SNAP47: variants seen among roughly 807,000 people sequenced by gnomAD.
SNAP47 encodes the protein synaptosome associated protein 47.
SNAP47 carries 20 observed loss-of-function variants against 31.4 expected under a neutral mutation model. That is an observed-to-expected ratio of 0.64 (90% CI 0.45 to 0.93). The LOEUF (loss-of-function observed/expected upper bound fraction) is 0.93, where lower values mean the gene tolerates loss of function less well. SNAP47 is among the 40% of genes least tolerant of loss of function. The pLI is 0.00. For synonymous variants in SNAP47, 194 were observed against 213.4 expected, an observed-to-expected ratio of 0.91 and a Z score of 0.79; for missense variants, 492 against 528.5, an observed-to-expected ratio of 0.93 and a Z score of 0.68.
intron 4 of SNAP47, among the ~76,000 whole-genome samples, chr1:227,769,949 G>A (rs1030984414): frequency 2.6e-5 from 4 of 152,180 alleles, no homozygotes. Flanking sequence ...TCTCCAGGGA[G>A]GAACCAGGTG....
upstream of SNAP47, chr1:227,730,436 T>C (rs1424800888): frequency 2.6e-5 from 4 of 152,048 alleles, no homozygotes; most frequent in African/African-American, 9.7e-5. Flanking sequence ...TTTTTTTTTT[T>C]TTGCCAATCT....
intron 4 of SNAP47, among the ~76,000 whole-genome samples, chr1:227,773,528 C>A (rs7543525): frequency 0.095 from 14,399 of 152,232 alleles, 771 homozygotes; most frequent in Middle Eastern, 0.21. Flanking sequence ...TTGATAAAGT[C>A]CACAGTAGTG....
In SNAP47 at chr1:227,771,839, G is replaced by A. The variant is rs116155735; in HGVS notation, c.1113+4756G>A. 9.1e-3 allele frequency among the ~76,000 whole-genome samples: 1,382 copies of A among 152,262 alleles called. 26 individuals are homozygous for A. The highest frequency in any genetic ancestry group is 0.032 in the African/African-American group (1,314 of 41,536). ...GCCAGGCACAGCCCTTGGGGTCCCA[G>A]ATGCTCACACCAACCAGTACCCAGA... On this transcript the variant is annotated intron_variant, in intron 4 of 4. Coordinates refer to ENST00000617596, the MANE Select transcript of SNAP47 (RefSeq NM_053052.4).
chr1:227,753,085 T>C lies in SNAP47; in HGVS notation c.497+4852T>C, dbSNP rs904558971. On this transcript the variant is annotated intron_variant, in intron 2 of 4. Coordinates refer to ENST00000617596, the MANE Select transcript of SNAP47 (RefSeq NM_053052.4). ...GACTCAAGCAAAGCAATAATTGTGT[T>C]CAAGTAAACAAGCTTTTCTCTAACT... 1.2e-4 allele frequency among the ~76,000 whole-genome samples: 19 copies of C among 152,208 alleles called. 1 individual carries two copies. Among genetic ancestry groups the C allele is most frequent in the Non-Finnish European group, 5.9e-5 (4 of 68,034 alleles).
intron 4 of SNAP47, among the ~76,000 whole-genome samples, chr1:227,769,073 C>T (rs1001405698): frequency 6.6e-6 from 1 of 152,214 alleles, no homozygotes; most frequent in African/African-American, 2.4e-5. Context: ...CCTCAAAGCC[C>T]GGGAGCGTTG....
intron 4 of SNAP47, among the ~76,000 whole-genome samples, chr1:227,769,045 C>T (rs545649400): frequency 6.6e-5 from 10 of 152,348 alleles, no homozygotes; most frequent in Non-Finnish European, 8.8e-5. Flanking sequence ...TCTCCTGTCA[C>T]GTGTGGCGTG....
intron 3 of SNAP47, among the ~76,000 whole-genome samples, chr1:227,764,064 G>A (rs1455944035): frequency 6.6e-6 from 1 of 152,210 alleles, no homozygotes; most frequent in Non-Finnish European, 1.5e-5. Flanking sequence ...GTGCATAGGT[G>A]TCTGGAACAC....
chr1:227,750,246 G>A (rs1393953799), intron 2 of SNAP47, among the ~76,000 whole-genome samples: 5 of 152,270 alleles, frequency 3.3e-5, no homozygotes, highest in African/African-American at 7.2e-5. Context: ...GTCAGAGTCT[G>A]CAGGGGGCCA....
At chr1:227,756,871 G>A (rs1014011299) in intron 2 of SNAP47, among the ~76,000 whole-genome samples, 1 of 152,242 alleles carries the variant, frequency 6.6e-6, no homozygotes, top group Non-Finnish European at 1.5e-5. Context: ...GCTCAGGGAC[G>A]TTTCTCCCTT....
At chr1:227,770,130 C>T (rs1433274868) in intron 4 of SNAP47, among the ~76,000 whole-genome samples, 16 of 152,226 alleles carry the variant, frequency 1.1e-4, no homozygotes, top group Non-Finnish European at 2.4e-4. Flanking sequence ...TTGGGTGACG[C>T]CTCAGCCTCC....
At chr1:227,759,554 G>A in intron 3 of SNAP47, 69 bp downstream of exon 3, 1 of 1,559,122 alleles carries the variant, frequency 6.4e-7, no homozygotes, top group African/African-American at 1.4e-5. Context: ...CAGCACGCCT[G>A]TGGGAAATGC....
Position 227,767,083 on chromosome 1 carries a change from G to C in SNAP47, c.1113G>C (p.Gln371His). The C allele has an allele frequency of 6.2e-7, 1 of 1,614,018 alleles. No homozygotes were observed. Among genetic ancestry groups the C allele is most frequent in the Non-Finnish European group, 8.5e-7 (1 of 1,179,990 alleles). The change falls in exon 4 of 5, where the codon CAG (glutamine) becomes CAC (histidine). Residue 371 changes from glutamine (Q) to histidine (H), a missense_variant and splice_region_variant. Transcript: ENST00000617596. ...LSEADTQELT[Q>H]ILRRMKGLAL... ...AGGCAGATACCCAGGAACTAACCCA[G>C]GTAAGATGTCCCCAGTGCCATGCCA...
intron 3 of SNAP47, among the ~76,000 whole-genome samples, chr1:227,764,677 G>A (rs1449750762): frequency 1.3e-5 from 2 of 152,176 alleles, no homozygotes; most frequent in Admixed American, 6.5e-5. Flanking sequence ...AGGCAGAGGC[G>A]GGCGAATCAC....
intron 1 of SNAP47, among the ~76,000 whole-genome samples, chr1:227,737,108 CTG>C (rs577391712): frequency 8.5e-4 from 129 of 152,284 alleles, no homozygotes; most frequent in African/African-American, 3.0e-3. Flanking sequence ...TCAGGGTACT[CTG>C]TGATTTTCGG....
Position 227,764,047 on chromosome 1 carries a change from C to T in SNAP47, c.989-2912C>T, listed in dbSNP as rs533431108. On this transcript the variant is annotated intron_variant, in intron 3 of 4. Coordinates refer to ENST00000617596, the MANE Select transcript of SNAP47 (RefSeq NM_053052.4). ...CTGGCTTCCTGCACCCCCAGGCCAG[C>T]AAGGCTGTGCATAGGTGTCTGGAAC... 3.9e-5 allele frequency among the ~76,000 whole-genome samples: 6 copies of T among 152,338 alleles called. 2 individuals carry two copies. The highest frequency in any genetic ancestry group is 1.4e-4 in the African/African-American group (6 of 41,578).
chr1:227,777,438 G>A (rs1313942084), intron 4 of SNAP47, among the ~76,000 whole-genome samples: 3 of 152,190 alleles, frequency 2.0e-5, no homozygotes, highest in Non-Finnish European at 2.9e-5. Context: ...GCCCCAGGTG[G>A]ACGGGCTTCA....
At chr1:227,736,965 G>C (rs1264606986) in intron 1 of SNAP47, among the ~76,000 whole-genome samples, 2 of 152,200 alleles carry the variant, frequency 1.3e-5, no homozygotes, top group Non-Finnish European at 2.9e-5. Flanking sequence ...GAAGGTTTCA[G>C]GAATTTGGCT....
At chr1:227,751,769 T>G (rs1662381509) in intron 2 of SNAP47, among the ~76,000 whole-genome samples, 1 of 99,156 alleles carries the variant, frequency 1.0e-5, no homozygotes, top group Admixed American at 1.1e-4. Context: ...TTTTTTTTTT[T>G]TTTTTTTTTT....
upstream of SNAP47, chr1:227,732,119 G>T: frequency 1.8e-6 from 1 of 553,028 alleles, no homozygotes. Flanking sequence ...GGCCTAAGGA[G>T]GCAGGGCCCC....
Sources: gnomAD v4.1 joint callset for allele counts (sites outside exome capture counted in the v4.1 genomes callset) on GRCh38, gnomAD v4.1.1 for gene constraint, MANE v1.5 for transcripts, NCBI Gene and HGNC (gene_info 2026-07-23, HGNC 2026-07-21) for gene names.